The following RAP1GAP2 variants were observed in gnomAD, a reference collection of about 807,000 sequenced individuals.
RAP1GAP2 encodes RAP1 GTPase activating protein 2.
Under a neutral mutation model 95.0 loss-of-function variants are expected in RAP1GAP2, and 27 were observed. That is an observed-to-expected ratio of 0.28 (90% CI 0.21 to 0.39). The LOEUF (loss-of-function observed/expected upper bound fraction) is 0.39. Ranked by LOEUF, RAP1GAP2 falls within the 10% of genes least tolerant of loss-of-function variation. The pLI, the probability that RAP1GAP2 is intolerant of heterozygous loss-of-function variation, is 1.00. For synonymous variants in RAP1GAP2, 373 were observed against 380.9 expected, an observed-to-expected ratio of 0.98 and a Z score of 0.24; for missense variants, 771 against 970.0, an observed-to-expected ratio of 0.79 and a Z score of 2.72.
At chr17:2,884,080 A>T (rs2073398874) in intron 2 of RAP1GAP2, among the ~76,000 whole-genome samples, 1 of 152,144 alleles carries the variant, frequency 6.6e-6, no homozygotes, top group African/African-American at 2.4e-5. Context: ...CTTGTTCAGC[A>T]CTGTTGGAGG....
intron 3 of RAP1GAP2, among the ~76,000 whole-genome samples, chr17:2,936,394 C>T (rs887425373): frequency 6.6e-6 from 1 of 151,608 alleles, no homozygotes; most frequent in African/African-American, 2.4e-5. Flanking sequence ...ATGACCCTGC[C>T]AGGGGCTGTG....
chr17:3,006,151 G>C, intron 16 of RAP1GAP2, 110 bp downstream of exon 16: 1 of 876,958 alleles, frequency 1.1e-6, no homozygotes, highest in Non-Finnish European at 1.7e-6. Context: ...TTTTGAGACA[G>C]AGTCTTGCTC....
chr17:2,956,973 A>G (rs2044132126), intron 3 of RAP1GAP2, among the ~76,000 whole-genome samples: 1 of 152,030 alleles, frequency 6.6e-6, no homozygotes, highest in African/African-American at 2.4e-5. Flanking sequence ...CTAAAAATAC[A>G]AAAAATTAGC....
chr17:2,953,801 C>G (rs1030543901), intron 3 of RAP1GAP2, among the ~76,000 whole-genome samples: 2 of 152,084 alleles, frequency 1.3e-5, no homozygotes, highest in Non-Finnish European at 2.9e-5. Flanking sequence ...GAGCTGACAT[C>G]GCGCCATTGC....
upstream of RAP1GAP2, among the ~76,000 whole-genome samples, chr17:2,795,605 G>T (rs751001234): frequency 6.6e-6 from 1 of 152,210 alleles, no homozygotes; most frequent in East Asian, 1.9e-4. Context: ...GGTGGGGGGC[G>T]GCTGACAGGT....
intron 22 of RAP1GAP2, among the ~76,000 whole-genome samples, chr17:3,028,865 A>G (rs140097879): frequency 0.01 from 1,552 of 152,244 alleles, 15 homozygotes; most frequent in Non-Finnish European, 0.015. Context: ...CAATGGCGCA[A>G]TCTCGGCTCA....
chr17:2,868,405 G>A (rs1435633082), intron 2 of RAP1GAP2, among the ~76,000 whole-genome samples: 1 of 152,190 alleles, frequency 6.6e-6, no homozygotes. Context: ...CGTACATGGT[G>A]TCGAAACTGC....
At chr17:2,951,049 G>A (rs966887353) in intron 3 of RAP1GAP2, among the ~76,000 whole-genome samples, 30 of 152,234 alleles carry the variant, frequency 2.0e-4, no homozygotes, top group African/African-American at 6.5e-4. Context: ...CCTCCTGTGT[G>A]TTTCTGCTGC....
At chr17:2,881,860 G>T (rs547765143) in intron 2 of RAP1GAP2, among the ~76,000 whole-genome samples, 1 of 152,004 alleles carries the variant, frequency 6.6e-6, no homozygotes, top group East Asian at 1.9e-4. Flanking sequence ...TCGCTATGTC[G>T]CCCAAGCTGG....
chr17:2,969,585 T>A (rs1322849457), intron 8 of RAP1GAP2, among the ~76,000 whole-genome samples: 1 of 136,012 alleles, frequency 7.4e-6, no homozygotes, highest in African/African-American at 2.7e-5. Flanking sequence ...TATTGCAACC[T>A]GCAACTCCCA....
At chr17:3,026,251 G>GT in intron 20 of RAP1GAP2, 99 bp from the exon 21 acceptor site, 1 of 1,302,052 alleles carries the variant, frequency 7.7e-7, no homozygotes, top group African/African-American at 1.5e-5. Flanking sequence ...AGGCCGACGG[G>GT]TGGGGGCGTG....
chr17:2,782,763 C>T (rs2068688068), intron 1 of RAP1GAP2, among the ~76,000 whole-genome samples: 1 of 152,154 alleles, frequency 6.6e-6, no homozygotes, highest in South Asian at 2.1e-4. Context: ...TGCCTGTAAT[C>T]CCAGCACTCT....
In RAP1GAP2 at chr17:2,805,441, C is replaced by T. The variant is rs375007255; in HGVS notation, c.80+4891C>T. On this transcript the variant is annotated intron_variant, in intron 2 of 24. Coordinates refer to ENST00000254695, the MANE Select transcript of RAP1GAP2 (RefSeq NM_015085.5). ...TGCAATCTCGGCTCACTGCAACCTC[C>T]GTCTCCTGGGTTCAAGCGATTCTCC... Among the ~76,000 whole-genome samples, 10 of 152,114 alleles carry T rather than the reference C, an allele frequency of 6.6e-5. No individual in the cohort carries two copies. In the East Asian group the frequency reaches 9.6e-4, roughly 15 times the overall value.
At chr17:2,874,686 A>C (rs369897655) in intron 2 of RAP1GAP2, among the ~76,000 whole-genome samples, 2 of 152,282 alleles carry the variant, frequency 1.3e-5, no homozygotes, top group Non-Finnish European at 2.9e-5. Flanking sequence ...TACATCACCC[A>C]TGGAAACAAA....
chr17:2,774,988 A>ATT (rs57384328), upstream of RAP1GAP2, among the ~76,000 whole-genome samples: 249 of 146,436 alleles, frequency 1.7e-3, 1 homozygote, highest in Non-Finnish European at 2.5e-3. Context: ...GCCCTGCTAA[A>ATT]TTTTTTTTTT....
intron 2 of RAP1GAP2, among the ~76,000 whole-genome samples, chr17:2,805,768 G>GTGTGTC (rs554025946): frequency 2.6e-5 from 4 of 151,770 alleles, no homozygotes; most frequent in East Asian, 1.9e-4. Context: ...GTGTGTGTGT[G>GTGTGTC]TGTCTGTCTG....
chr17:2,962,422 T>C, intron 4 of RAP1GAP2: 2 of 488,072 alleles, frequency 4.1e-6, no homozygotes, highest in Non-Finnish European at 7.1e-6. Context: ...GGCTGATAGG[T>C]GGCAGTGTTG....
At chr17:2,761,048 G>T (rs773329577) in intron 1 of RAP1GAP2, among the ~76,000 whole-genome samples, 11 of 151,548 alleles carry the variant, frequency 7.3e-5, no homozygotes, top group Non-Finnish European at 1.2e-4. Flanking sequence ...TCCGCCTCCG[G>T]GGTTCAAGCG....
At position 3,036,138 on chromosome 17, in the gene RAP1GAP2, T is replaced by C. The variant is rs998627908; in HGVS notation, c.*2777T>C. 1.4e-4 allele frequency: 21 copies of C among 152,266 alleles called. No homozygotes were observed. Among genetic ancestry groups the C allele is most frequent in the African/African-American group, 5.1e-4 (21 of 41,462 alleles). 9.4% of individuals were successfully genotyped at this position (152,266 alleles called of 1,614,324 possible). ...GAAGGTCTTAATGAGAGTGTCTGTC[T>C]ATGCCAATCATGTAAAATGACGTTT... On this transcript the variant is annotated 3_prime_UTR_variant, in exon 25 of 25. Transcript: ENST00000254695.
Sources: allele counts gnomAD v4.1 joint callset (sites outside exome capture counted in the v4.1 genomes callset), GRCh38; gene constraint gnomAD v4.1.1; transcripts MANE v1.5; gene names NCBI Gene and HGNC (gene_info 2026-07-23, HGNC 2026-07-21).